Variants in ZSWIM5 observed in about 807,000 individuals in gnomAD.
ZSWIM5 encodes zinc finger SWIM domain-containing protein 5.
A neutral mutation model predicts 119.6 loss-of-function variants in ZSWIM5; 55 were observed. That is an observed-to-expected ratio of 0.46 (90% CI 0.37 to 0.58). ZSWIM5 has a LOEUF of 0.58. ZSWIM5 is among the 20% of genes least tolerant of loss of function. The probability of loss-of-function intolerance (pLI) is 0.00; values close to 1 mark genes in which losing one functional copy is unlikely to be tolerated. For synonymous variants in ZSWIM5, 537 were observed against 606.9 expected (o/e 0.88, Z 1.69); for missense variants, 1,193 against 1,512.8 (o/e 0.79, Z 3.51).
chr1:45,148,299 A>T (rs905848648), intron 1 of ZSWIM5, among the ~76,000 whole-genome samples: 1 of 152,190 alleles, frequency 6.6e-6, no homozygotes, highest in Non-Finnish European at 1.5e-5. Context: ...GCCTTCAAAG[A>T]GTGTTCATAA....
intron 1 of ZSWIM5, among the ~76,000 whole-genome samples, chr1:45,099,377 T>C (rs1454204032): frequency 6.6e-6 from 1 of 152,120 alleles, no homozygotes; most frequent in Non-Finnish European, 1.5e-5. Context: ...AATAGACCAA[T>C]AACAGGCTCT....
At position 45,155,585 on chromosome 1, in the gene ZSWIM5, G is replaced by A. The variant is rs866984781; in HGVS notation, c.595+50171C>T. Among the ~76,000 whole-genome samples the A allele has an allele frequency of 2.6e-5, 4 of 152,128 alleles. 1 individual carries two copies. The highest frequency in any genetic ancestry group is 2.4e-5 in the African/African-American group (1 of 41,430). ...AAGAAACTTGCACATGCATGTTTACGGCAGCGCTATAAACCTGCAACTGCA... is the reference window on the plus strand; with the variant it reads ...AAGAAACTTGCACATGCATGTTTACAGCAGCGCTATAAACCTGCAACTGCA... On this transcript the variant is annotated intron_variant, in intron 1 of 13. Transcript: ENST00000359600.
intron 10 of ZSWIM5, 50 bp downstream of exon 10, chr1:45,035,638 G>T: frequency 6.3e-7 from 1 of 1,598,986 alleles, no homozygotes. Context: ...AAAGAGCACT[G>T]GACACTTCTG....
intron 1 of ZSWIM5, among the ~76,000 whole-genome samples, chr1:45,111,111 A>G (rs994506245): frequency 2.6e-5 from 4 of 152,220 alleles, no homozygotes; most frequent in Admixed American, 2.0e-4. Context: ...GTGGTAGAAC[A>G]AAGCAGGAAC....
At chr1:45,061,174 G>C (rs1645150018) in intron 2 of ZSWIM5, among the ~76,000 whole-genome samples, 2 of 152,074 alleles carry the variant, frequency 1.3e-5, no homozygotes, top group African/African-American at 4.8e-5. Flanking sequence ...ATCCCCAGTT[G>C]AATCCAAAGC....
intron 2 of ZSWIM5, among the ~76,000 whole-genome samples, chr1:45,082,821 A>C (rs946974836): frequency 4.6e-5 from 7 of 152,232 alleles, no homozygotes; most frequent in Non-Finnish European, 1.0e-4. Context: ...AGGTTTCTTC[A>C]GCACAGTAGT....
At chr1:45,097,887 A>G (rs1256355159) in intron 1 of ZSWIM5, among the ~76,000 whole-genome samples, 3 of 146,138 alleles carry the variant, frequency 2.1e-5, no homozygotes, top group Admixed American at 2.0e-4. Flanking sequence ...AATTGTGTTA[A>G]GTACTATAAA....
At chr1:45,020,044 T>C (rs749403791) in intron 13 of ZSWIM5, 22 bp downstream of exon 13, 2 of 1,605,820 alleles carry the variant, frequency 1.2e-6, no homozygotes, top group East Asian at 2.2e-5. Flanking sequence ...CCCCTGGGGG[T>C]AGAGGGAGGT....
chr1:45,053,530 G>A (rs534471938), intron 4 of ZSWIM5, among the ~76,000 whole-genome samples: 2 of 152,066 alleles, frequency 1.3e-5, no homozygotes, highest in Admixed American at 6.5e-5. Flanking sequence ...GGGAGGCGGA[G>A]GCAGGTGGAT....
intron 1 of ZSWIM5, among the ~76,000 whole-genome samples, chr1:45,202,186 C>T (rs1240504148): frequency 6.6e-6 from 1 of 152,016 alleles, no homozygotes; most frequent in African/African-American, 2.4e-5. Flanking sequence ...TAATTTTATT[C>T]ATTCTAACTC....
chr1:45,034,836 T>G (rs1305818637), intron 10 of ZSWIM5, among the ~76,000 whole-genome samples: 1 of 152,156 alleles, frequency 6.6e-6, no homozygotes, highest in Non-Finnish European at 1.5e-5. Context: ...GGCTGGAGTG[T>G]AGTGGCATAA....
Position 45,206,502 on chromosome 1 carries a change from G to A in ZSWIM5, c.-152C>T, listed in dbSNP as rs1646193439. 8.9e-7 allele frequency: 1 copy of A among 1,124,200 alleles called. No homozygotes were observed. The highest frequency in any genetic ancestry group is 1.1e-6 in the Non-Finnish European group (1 of 920,450). The allele number at this position is 1,124,200 out of a possible 1,614,324, so 69.6% of individuals were successfully genotyped here. A position where few individuals can be genotyped will look rare whatever the true frequency, so the allele number is the denominator to read the frequency against. On this transcript the variant is annotated 5_prime_UTR_variant, in exon 1 of 14. Coordinates refer to ENST00000359600, the MANE Select transcript of ZSWIM5 (RefSeq NM_020883.2). ...CCGCGAGCCAGCCGGCCCGAGTGGG[G>A]AACCGCGGCCGGGCCCGGGAGCGCG...
chr1:45,196,689 T>C (rs1175108150), intron 1 of ZSWIM5, among the ~76,000 whole-genome samples: 5 of 152,102 alleles, frequency 3.3e-5, no homozygotes, highest in Non-Finnish European at 7.4e-5. Flanking sequence ...CACGCCCGGC[T>C]GAAGCCCACA....
chr1:45,043,439 GA>G (rs1355438814), intron 5 of ZSWIM5, 44 bp from the exon 6 acceptor site: 2 of 1,598,298 alleles, frequency 1.3e-6, no homozygotes, highest in Non-Finnish European at 1.7e-6. Flanking sequence ...CAGGCAATTT[GA>G]AGTTTTAAGC....
At chr1:45,126,734 TCTCC>T (rs1645624146) in intron 1 of ZSWIM5, among the ~76,000 whole-genome samples, 2 of 151,260 alleles carry the variant, frequency 1.3e-5, no homozygotes, top group Middle Eastern at 3.4e-3. Context: ...GAGACTCTGT[TCTCC>T]ACAAAAAGGA....
chr1:45,129,063 C>T lies in ZSWIM5; in HGVS notation c.596-40826G>A, dbSNP rs1050620436. Among the ~76,000 whole-genome samples the T allele has an allele frequency of 7.2e-5, 11 of 152,032 alleles. No homozygotes were observed. The South Asian group carries it at 2.3e-3, about 32-fold the overall frequency. ...GACAACTTGATAATATTGAGTCTTC[C>T]TATCCACGAACATGAAACATCTTTC... On this transcript the variant is annotated intron_variant, in intron 1 of 13. Transcript: ENST00000359600.
At chr1:45,116,622 G>A (rs892940090) in intron 1 of ZSWIM5, among the ~76,000 whole-genome samples, 2 of 152,166 alleles carry the variant, frequency 1.3e-5, no homozygotes, top group Non-Finnish European at 2.9e-5. Context: ...ACAACTGAAG[G>A]CAGTAAGGTA....
At position 45,056,552 on chromosome 1, in the gene ZSWIM5, C is replaced by T. The variant is rs375975920; in HGVS notation, c.1252+2057G>A. Among the ~76,000 whole-genome samples the T allele has an allele frequency of 1.9e-4, 29 of 151,602 alleles. 1 individual carries two copies. In the South Asian group the frequency reaches 5.9e-3, roughly 31 times the overall value. On this transcript the variant is annotated intron_variant, in intron 4 of 13. Coordinates refer to ENST00000359600, the MANE Select transcript of ZSWIM5 (RefSeq NM_020883.2). ...GAGGTTGCAGTGAGCCAAGACTGTGCCACTGCCAAGACTGCGCCACTGCAC... is the reference window on the plus strand; with the variant it reads ...GAGGTTGCAGTGAGCCAAGACTGTGTCACTGCCAAGACTGCGCCACTGCAC...
At chr1:45,136,092 C>T (rs1198994275) in intron 1 of ZSWIM5, among the ~76,000 whole-genome samples, 2 of 152,132 alleles carry the variant, frequency 1.3e-5, no homozygotes, top group Admixed American at 6.5e-5. Flanking sequence ...AACTCCTGAG[C>T]TCAAGGGATC....
Sources: allele counts gnomAD v4.1 joint callset (sites outside exome capture counted in the v4.1 genomes callset), GRCh38; gene constraint gnomAD v4.1.1; transcripts MANE v1.5; gene names NCBI Gene and HGNC (gene_info 2026-07-23, HGNC 2026-07-21).